The following CTNNA2 variants were observed in gnomAD, a reference collection of about 807,000 sequenced individuals.
CTNNA2 encodes catenin alpha 2.
In CTNNA2, 42 loss-of-function variants were observed where a neutral mutation model predicts 101.0. The observed-to-expected ratio is 0.42, with a 90% CI of 0.32 to 0.54. The LOEUF is 0.54. CTNNA2 is among the 20% of genes least tolerant of loss of function. CTNNA2 has a pLI of 0.14. For missense variants in CTNNA2, 871 were observed against 1,223.1 expected (o/e 0.71, Z 4.29); for synonymous variants, 450 against 456.4 (o/e 0.99, Z 0.18).
intron 7 of CTNNA2, among the ~76,000 whole-genome samples, chr2:80,096,103 C>G (rs910914248): frequency 6.6e-6 from 1 of 151,760 alleles, no homozygotes; most frequent in Non-Finnish European, 1.5e-5. Flanking sequence ...GTTAGGGTGT[C>G]AATTTTAGAT....
chr2:79,944,172 G>A (rs1350744288), intron 7 of CTNNA2, among the ~76,000 whole-genome samples: 10 of 147,832 alleles, frequency 6.8e-5, no homozygotes, highest in African/African-American at 2.2e-4. Flanking sequence ...ATTGGGCTAG[G>A]TACTGGGGGA....
chr2:80,068,020 G>A (rs764325071), intron 7 of CTNNA2, among the ~76,000 whole-genome samples: 10 of 152,206 alleles, frequency 6.6e-5, no homozygotes, highest in Non-Finnish European at 1.3e-4. Flanking sequence ...CAGAAACTAT[G>A]AGAGATAGTA....
chr2:79,586,593 C>T (rs1019203078), intron 1 of CTNNA2, among the ~76,000 whole-genome samples: 3 of 151,228 alleles, frequency 2.0e-5, no homozygotes, highest in Non-Finnish European at 4.4e-5. Context: ...TATTTTTAAA[C>T]CATTCACATC....
intron 4 of CTNNA2, among the ~76,000 whole-genome samples, chr2:79,464,670 G>T (rs3961796): frequency 6.6e-6 from 1 of 151,800 alleles, no homozygotes; most frequent in Non-Finnish European, 1.5e-5. Context: ...TTTAATGATC[G>T]CCATTCTAAC....
At chr2:80,227,076 C>T (rs937877044) in intron 7 of CTNNA2, among the ~76,000 whole-genome samples, 1 of 152,202 alleles carries the variant, frequency 6.6e-6, no homozygotes, top group Non-Finnish European at 1.5e-5. Context: ...ATGCCACCTT[C>T]ATTTTAGGAT....
intron 9 of CTNNA2, among the ~76,000 whole-genome samples, chr2:80,504,082 T>G (rs2149537817): frequency 6.6e-6 from 1 of 152,246 alleles, no homozygotes; most frequent in East Asian, 1.9e-4. Flanking sequence ...CTGAGCATGG[T>G]TTAGTTAGGT....
chr2:80,622,038 G>A (rs1218249707), intron 18 of CTNNA2, among the ~76,000 whole-genome samples: 1 of 151,884 alleles, frequency 6.6e-6, no homozygotes, highest in African/African-American at 2.4e-5. Flanking sequence ...AAATGGAGCT[G>A]AAGATATATC....
intron 3 of CTNNA2, among the ~76,000 whole-genome samples, chr2:79,360,546 T>C (rs1354542328): frequency 6.6e-6 from 1 of 152,202 alleles, no homozygotes; most frequent in Non-Finnish European, 1.5e-5. Flanking sequence ...ACCATGATAG[T>C]TCATTGTGTA....
At chr2:80,247,132 T>G (rs1671388602) in intron 7 of CTNNA2, among the ~76,000 whole-genome samples, 1 of 152,126 alleles carries the variant, frequency 6.6e-6, no homozygotes, top group Non-Finnish European at 1.5e-5. Flanking sequence ...AAGGGAAGGA[T>G]GGAGAAAGCT....
At chr2:79,928,735 C>A (rs185693792) in intron 7 of CTNNA2, among the ~76,000 whole-genome samples, 31 of 152,244 alleles carry the variant, frequency 2.0e-4, no homozygotes, top group Admixed American at 8.5e-4. Flanking sequence ...TCATACTTAT[C>A]AGATAGGGTC....
At chr2:79,443,550 C>T (rs1321805096) in intron 4 of CTNNA2, among the ~76,000 whole-genome samples, 1 of 152,098 alleles carries the variant, frequency 6.6e-6, no homozygotes, top group Non-Finnish European at 1.5e-5. Context: ...AACTAGTTGT[C>T]TGGGCATCCC....
intron 18 of CTNNA2, among the ~76,000 whole-genome samples, chr2:80,631,954 T>C (rs1348573459): frequency 6.6e-6 from 1 of 152,094 alleles, no homozygotes; most frequent in African/African-American, 2.4e-5. Flanking sequence ...AGGGTCAATA[T>C]GTTTTGAATC....
intron 4 of CTNNA2, among the ~76,000 whole-genome samples, chr2:79,421,039 G>A (rs183620190): frequency 3.6e-3 from 545 of 152,258 alleles, no homozygotes; most frequent in Middle Eastern, 0.014. Flanking sequence ...GACACAATGG[G>A]ATATTTAACA....
At chr2:79,718,468 C>T (rs1229619306) in intron 2 of CTNNA2, among the ~76,000 whole-genome samples, 1 of 152,148 alleles carries the variant, frequency 6.6e-6, no homozygotes, top group Non-Finnish European at 1.5e-5. Flanking sequence ...ATCTGCTCCC[C>T]ACTTTATTCC....
intron 7 of CTNNA2, among the ~76,000 whole-genome samples, chr2:80,262,933 A>G (rs973903262): frequency 2.0e-5 from 3 of 151,820 alleles, no homozygotes; most frequent in Admixed American, 6.6e-5. Context: ...AATAAAAACA[A>G]CAATATTGAC....
intron 12 of CTNNA2, among the ~76,000 whole-genome samples, chr2:80,558,644 T>A (rs1350089566): frequency 6.6e-6 from 1 of 152,136 alleles, no homozygotes; most frequent in Non-Finnish European, 1.5e-5. Flanking sequence ...CTTAAACAAT[T>A]TTAGAGCCAT....
intron 1 of CTNNA2, among the ~76,000 whole-genome samples, chr2:79,620,617 T>A (rs990569349): frequency 6.6e-6 from 1 of 152,124 alleles, no homozygotes; most frequent in Non-Finnish European, 1.5e-5. Flanking sequence ...ATAGACTGAT[T>A]TCTAAGGACC....
At chr2:80,197,129 G>T (rs532726854) in intron 7 of CTNNA2, among the ~76,000 whole-genome samples, 1 of 152,156 alleles carries the variant, frequency 6.6e-6, no homozygotes, top group South Asian at 2.1e-4. Context: ...TTCCCAATGA[G>T]ATCTCTATTC....
chr2:79,276,295 G>C (rs1675211509), intron 2 of CTNNA2, among the ~76,000 whole-genome samples: 1 of 152,022 alleles, frequency 6.6e-6, no homozygotes, highest in Admixed American at 6.6e-5. Flanking sequence ...TATCCCCTTA[G>C]TCTGTTTGAG....
Sources: allele counts gnomAD v4.1 joint callset (sites outside exome capture counted in the v4.1 genomes callset), GRCh38; gene constraint gnomAD v4.1.1; transcripts MANE v1.5; gene names NCBI Gene and HGNC (gene_info 2026-07-23, HGNC 2026-07-21).